The following ZNF579 variants were observed in gnomAD, a reference collection of about 807,000 sequenced individuals.
ZNF579 encodes the protein zinc finger protein 579.
ZNF579 carries 3 observed loss-of-function variants against 5.7 expected under a neutral mutation model. The ratio of observed to expected loss-of-function variants is 0.53; its 90% confidence interval spans 0.24 to 1.36. The LOEUF is 1.36. ZNF579 is among the 40% of genes most tolerant of loss of function. ZNF579 has a pLI of 0.16. For missense variants in ZNF579, 679 were observed against 877.6 expected, an observed-to-expected ratio of 0.77 and a Z score of 2.86; for synonymous variants, 454 against 409.0, an observed-to-expected ratio of 1.11 and a Z score of -1.33.
In ZNF579 at chr19:55,579,640, G is replaced by A. The variant is rs1271432150; in HGVS notation, c.-1C>T. The A allele has an allele frequency of 3.3e-5, 48 of 1,456,324 alleles. No individual in the cohort carries two copies. The highest frequency in any genetic ancestry group is 4.1e-5 in the Non-Finnish European group (46 of 1,114,166). 90.2% of individuals were successfully genotyped at this position (1,456,324 alleles called of 1,614,324 possible). On this transcript the variant is annotated splice_region_variant and 5_prime_UTR_variant, in exon 2 of 2. Transcript: ENST00000325421. ...CGGGTGGAGGAGGCTGCGGATCCAT[G>A]CCTGTGGGGAGAGAGGGGAGAGATG...
Position 55,577,085 on chromosome 19 carries a change from C to T in ZNF579, c.*866G>A, listed in dbSNP as rs1472135205. 6.6e-6 allele frequency: 1 copy of T among 152,052 alleles called. No homozygotes were observed. Among genetic ancestry groups the T allele is most frequent in the Non-Finnish European group, 1.5e-5 (1 of 68,074 alleles). The allele number at this position is 152,052 out of a possible 1,614,324, so 9.4% of individuals were successfully genotyped here. A position where few individuals can be genotyped will look rare whatever the true frequency, so the allele number is the denominator to read the frequency against. ...CTATGACTGCACCACGGCACTGCAG[C>T]TTGGGCAACAGAGTGAGGGAAGAAA... On this transcript the variant is annotated 3_prime_UTR_variant, in exon 2 of 2. Coordinates refer to ENST00000325421, the MANE Select transcript of ZNF579 (RefSeq NM_152600.3).
chr19:55,579,704 G>A (rs1468317348), intron 1 of ZNF579, 63 bp from the exon 2 acceptor site: 44 of 1,343,706 alleles, frequency 3.3e-5, no homozygotes, highest in Non-Finnish European at 4.1e-5. Context: ...CGTGGGGTGT[G>A]GCAGAAAGAG....
Position 55,579,017 on chromosome 19 carries a change from G to A in ZNF579, c.623C>T (p.Ala208Val), listed in dbSNP as rs986832801. 1.3e-6 allele frequency: 2 copies of A among 1,532,436 alleles called. No individual in the cohort carries two copies. The highest frequency in any genetic ancestry group is 1.7e-6 in the Non-Finnish European group (2 of 1,145,344). The allele number at this position is 1,532,436 out of a possible 1,614,324, so 94.9% of individuals were successfully genotyped here. Residue 208 changes from alanine to valine, a missense_variant, in exon 2 of 2, where the codon GCC (alanine) becomes GTC (valine). Coordinates refer to ENST00000325421, the MANE Select transcript of ZNF579 (RefSeq NM_152600.3). ...CCGCCCGGCCGCCAGCGCCAGCTCG[G>A]CCCTCAGCTCTGCTGCCCCGGCCTC... is the stretch of plus-strand genomic sequence containing the variant. Reference protein sequence around the residue: ...EAEAGAAELRAELALAAGRQE... With the variant: ...EAEAGAAELRVELALAAGRQE...
At position 55,578,618 on chromosome 19, in the gene ZNF579, C is replaced by T. The variant is rs1480950302; in HGVS notation, c.1022G>A (p.Gly341Asp). The T allele has an allele frequency of 1.3e-6, 2 of 1,526,354 alleles. No individual in the cohort carries two copies. Among genetic ancestry groups the T allele is most frequent in the East Asian group, 2.4e-5 (1 of 41,758 alleles). 94.6% of individuals were successfully genotyped at this position (1,526,354 alleles called of 1,614,324 possible). A position where few individuals can be genotyped will look rare whatever the true frequency, so the allele number is the denominator to read the frequency against. ...AAGKKDDKAS[G>D]ARNSAKGPEG... ...CGGCCCCTTGGCTGAGTTCCGTGCA[C>T]CCGAGGCCTTGTCGTCCTTCTTGCC... Residue 341 changes from glycine (G) to aspartate (D), a missense_variant, in exon 2 of 2, where the codon GGT becomes GAT. Transcript: ENST00000325421.
chr19:55,578,974 G>T lies in ZNF579; in HGVS notation c.666C>A (p.Val222=), dbSNP rs1406701302. 3 of 1,542,624 alleles carry T rather than the reference G, an allele frequency of 1.9e-6. No individual in the cohort carries two copies. The highest frequency in any genetic ancestry group is 2.6e-6 in the Non-Finnish European group (3 of 1,149,194). The part of the protein sequence containing the change: ...LAAGRQEEKQ[V]LLQADWTLLC... ...GCAGCGTCCAGTCTGCCTGGAGCAG[G>T]ACCTGTTTCTCCTCCTGCCGCCCGG... The change falls in exon 2 of 2, where the codon GTC becomes GTA. Residue 222 remains valine (V), a synonymous_variant. Coordinates refer to ENST00000325421, the MANE Select transcript of ZNF579 (RefSeq NM_152600.3).
chr19:55,578,470 G>A lies in ZNF579; in HGVS notation c.1170C>T (p.Gly390=). ...GGTGCGCCCGGCGCCTGAAACCTTT[G>A]CCGCACTCTGGGCACCAGAAGCGGG... ...GEPRFWCPEC[G]KGFRRRAHLR... is the part of the protein sequence containing the mutation. Residue 390 remains glycine (G), a synonymous_variant, in exon 2 of 2, where the codon GGC becomes GGT. Transcript: ENST00000325421. 6.9e-7 allele frequency: 1 copy of A among 1,450,042 alleles called. No individual in the cohort carries two copies. Among genetic ancestry groups the A allele is most frequent in the Non-Finnish European group, 9.0e-7 (1 of 1,112,054 alleles). The allele number at this position is 1,450,042 out of a possible 1,614,324, so 89.8% of individuals were successfully genotyped here.
At position 55,578,027 on chromosome 19, in the gene ZNF579, T is replaced by C; in HGVS notation, c.1613A>G (p.His538Arg). ...LSASCFDSQDHSAFEMEEEEV... is the reference protein window; with the variant it reads ...LSASCFDSQDRSAFEMEEEEV... ...TTCCTCCTCCATCTCGAAGGCTGAG[T>C]GGTCTTGGCTGTCGAAACAGGAGGC... Residue 538 changes from histidine to arginine, a missense_variant, in exon 2 of 2, where the codon CAC becomes CGC. By Grantham distance (29) the His-to-Arg change is conservative (BLOSUM62 0). Transcript: ENST00000325421. 6.3e-7 allele frequency: 1 copy of C among 1,596,632 alleles called. No homozygotes were observed. The highest frequency in any genetic ancestry group is 8.5e-7 in the Non-Finnish European group (1 of 1,172,034).
In ZNF579 at chr19:55,579,255, C is replaced by A; in HGVS notation, c.385G>T (p.Glu129Ter). 6.6e-7 allele frequency: 1 copy of A among 1,518,864 alleles called. No homozygotes were observed. The highest frequency in any genetic ancestry group is 2.6e-5 in the East Asian group (1 of 39,114). 94.1% of individuals were successfully genotyped at this position (1,518,864 alleles called of 1,614,324 possible). Residue 129 changes from glutamate to a stop codon, truncating the protein, a stop_gained, in exon 2 of 2, where the codon GAG becomes TAG. Coordinates refer to ENST00000325421, the MANE Select transcript of ZNF579 (RefSeq NM_152600.3). LOFTEE classifies it low-confidence loss of function (END_TRUNC). ...LAQEHAGGEVELAIERVAKET... is the reference protein window; with the variant it reads ...LAQEHAGGEV ...TTGGCCACCCTCTCGATGGCCAGCT[C>A]GACCTCGCCGCCCGCGTGCTCCTGA...
Position 55,579,256 on chromosome 19 carries a change from G to A in ZNF579, c.384C>T (p.Val128=), listed in dbSNP as rs1283194246. Residue 128 remains valine, a synonymous_variant, in exon 2 of 2, where the codon GTC becomes GTT. Coordinates refer to ENST00000325421, the MANE Select transcript of ZNF579 (RefSeq NM_152600.3). ...TGGCCACCCTCTCGATGGCCAGCTC[G>A]ACCTCGCCGCCCGCGTGCTCCTGAG... The part of the protein sequence containing the change: ...HLAQEHAGGE[V]ELAIERVAKE... 11 of 1,518,928 alleles carry A rather than the reference G, an allele frequency of 7.2e-6. No individual in the cohort carries two copies. Among genetic ancestry groups the A allele is most frequent in the South Asian group, 1.2e-5 (1 of 82,996 alleles). 94.1% of individuals were successfully genotyped at this position (1,518,928 alleles called of 1,614,324 possible).
rs1486007601 is a variant in ZNF579 at position 55,577,646 on chromosome 19, C to G, written c.*305G>C. The stretch of plus-strand genomic sequence containing the variant: ...AGGTGATGGTGTCCAGTGTGTGAAA[C>G]GGGGGACAGGGAGGCGGGGGCGTCC... On this transcript the variant is annotated 3_prime_UTR_variant, in exon 2 of 2. Transcript: ENST00000325421. 2.2e-6 allele frequency: 1 copy of G among 452,972 alleles called. No homozygotes were observed. The highest frequency in any genetic ancestry group is 2.0e-5 in the African/African-American group (1 of 49,420). 28.1% of individuals were successfully genotyped at this position (452,972 alleles called of 1,614,324 possible). A position where few individuals can be genotyped will look rare whatever the true frequency, so the allele number is the denominator to read the frequency against.
Position 55,577,359 on chromosome 19 carries a change from C to T in ZNF579, c.*592G>A, listed in dbSNP as rs542561918. On this transcript the variant is annotated 3_prime_UTR_variant, in exon 2 of 2. Transcript: ENST00000325421. ...GATCTATCTTCTCACATTCCTGTTT[C>T]TTCTCAACCCAGCCTTCACCGGCTT... 33 of 158,796 alleles carry T rather than the reference C, an allele frequency of 2.1e-4. 1 individual carries two copies. In the South Asian group the frequency reaches 5.9e-3, roughly 28 times the overall value. 9.8% of individuals were successfully genotyped at this position (158,796 alleles called of 1,614,324 possible). A position where few individuals can be genotyped will look rare whatever the true frequency, so the allele number is the denominator to read the frequency against.
chr19:55,579,600 G>T lies in ZNF579; in HGVS notation c.40C>A (p.Pro14Thr). 1 of 1,494,256 alleles carries T rather than the reference G, an allele frequency of 6.7e-7. No homozygotes were observed. Among genetic ancestry groups the T allele is most frequent in the Non-Finnish European group, 8.9e-7 (1 of 1,128,954 alleles). The allele number at this position is 1,494,256 out of a possible 1,614,324, so 92.6% of individuals were successfully genotyped here. A position where few individuals can be genotyped will look rare whatever the true frequency, so the allele number is the denominator to read the frequency against. Residue 14 changes from proline (P) to threonine (T), a missense_variant, in exon 2 of 2, where the codon CCT (proline) becomes ACT (threonine). Pro to Thr is a conservative substitution (Grantham distance 38). Transcript: ENST00000325421. ...QPPPPAQGSP[P>T]HRGRGRGRGR... ...CGGCCCCGGCCTCGGCCACGGTGAG[G>T]TGGGCTGCCCTGGGCGGGTGGAGGA...
rs1438081045 is a variant in ZNF579, at chr19:55,578,519, G to A, written c.1121C>T (p.Pro374Leu). Residue 374 changes from proline (P) to leucine (L), a missense_variant, in exon 2 of 2, where the codon CCG becomes CTG. Coordinates refer to ENST00000325421, the MANE Select transcript of ZNF579 (RefSeq NM_152600.3). ...GGGCTCCCCGGCGGGGGGCCGAGCCGGGGCGGCGTCGCCTCCGTTCTGCCC... is the reference window on the plus strand; with the variant it reads ...GGGCTCCCCGGCGGGGGGCCGAGCCAGGGCGGCGTCGCCTCCGTTCTGCCC... ...GEGQNGGDAA[P>L]ARPPAGEPRF... 4.3e-6 allele frequency: 6 copies of A among 1,398,810 alleles called. No individual in the cohort carries two copies. The highest frequency in any genetic ancestry group is 5.5e-6 in the Non-Finnish European group (6 of 1,091,296). 86.6% of individuals were successfully genotyped at this position (1,398,810 alleles called of 1,614,324 possible).
In ZNF579 at chr19:55,578,546, T is replaced by C. The variant is rs1326919915; in HGVS notation, c.1094A>G (p.Glu365Gly). 7.3e-7 allele frequency: 1 copy of C among 1,360,860 alleles called. No individual in the cohort carries two copies. Among genetic ancestry groups the C allele is most frequent in the Middle Eastern group, 2.3e-4 (1 of 4,304 alleles). 84.3% of individuals were successfully genotyped at this position (1,360,860 alleles called of 1,614,324 possible). Reference protein sequence around the residue: ...AECGGASEGGEGQNGGDAAPA... With the variant: ...AECGGASEGGGGQNGGDAAPA... ...GGCGGCGTCGCCTCCGTTCTGCCCT[T>C]CTCCCCCTTCCGAGGCACCCCCGCA... Residue 365 changes from glutamate (E) to glycine (G), a missense_variant, in exon 2 of 2, where the codon GAA (glutamate) becomes GGA (glycine). Coordinates refer to ENST00000325421, the MANE Select transcript of ZNF579 (RefSeq NM_152600.3).
At position 55,579,122 on chromosome 19, in the gene ZNF579, G is replaced by A. The variant is rs1274385611; in HGVS notation, c.518C>T (p.Thr173Met). The A allele has an allele frequency of 7.5e-5, 115 of 1,526,226 alleles. No homozygotes were observed. The highest frequency in any genetic ancestry group is 9.6e-5 in the Non-Finnish European group (110 of 1,142,676). 94.5% of individuals were successfully genotyped at this position (1,526,226 alleles called of 1,614,324 possible). Residue 173 changes from threonine (T) to methionine (M), a missense_variant, in exon 2 of 2, where the codon ACG becomes ATG. Thr to Met is a moderately conservative substitution (Grantham distance 81). This residue lies in a region of ZNF579 where 209 missense variants were observed against 223.4 expected (regional missense o/e 0.94). Transcript: ENST00000325421. Reference protein sequence around the residue: ...EEEAVAAWPETWPAGEPSTLA... With the variant: ...EEEAVAAWPEMWPAGEPSTLA... ...CGTGGAAGGCTCCCCCGCAGGCCAC[G>A]TCTCAGGCCACGCTGCGACCGCCTC...
Position 55,578,007 on chromosome 19 carries a change from C to T in ZNF579, c.1633G>A (p.Glu545Lys). The T allele has an allele frequency of 1.2e-6, 2 of 1,600,682 alleles. No individual in the cohort carries two copies. Among genetic ancestry groups the T allele is most frequent in the Admixed American group, 1.7e-5 (1 of 58,192 alleles). The change falls in exon 2 of 2, where the codon GAG becomes AAG. Residue 545 changes from glutamate (E) to lysine (K), a missense_variant. Glu to Lys is a moderately conservative substitution (Grantham distance 56). Coordinates refer to ENST00000325421, the MANE Select transcript of ZNF579 (RefSeq NM_152600.3). ...SQDHSAFEME[E>K]EEVDSKAHLR... ...TGAGCCTTGCTGTCTACCTCTTCCT[C>T]CTCCATCTCGAAGGCTGAGTGGTCT...
chr19:55,579,243 C>A lies in ZNF579; in HGVS notation c.397G>T (p.Glu133Ter). ...HAGGEVELAI[E>*]RVAKETAEPS... ...TCGGCCGTCTCCTTGGCCACCCTCT[C>A]GATGGCCAGCTCGACCTCGCCGCCC... The change falls in exon 2 of 2, where the codon GAG becomes TAG. Residue 133 changes from glutamate (E) to a stop codon, truncating the protein, a stop_gained. Coordinates refer to ENST00000325421, the MANE Select transcript of ZNF579 (RefSeq NM_152600.3). LOFTEE classifies it low-confidence loss of function (END_TRUNC). 1 of 1,520,774 alleles carries A rather than the reference C, an allele frequency of 6.6e-7. No individual in the cohort carries two copies. Among genetic ancestry groups the A allele is most frequent in the Non-Finnish European group, 8.8e-7 (1 of 1,139,666 alleles). The allele number at this position is 1,520,774 out of a possible 1,614,324, so 94.2% of individuals were successfully genotyped here.
Position 55,578,473 on chromosome 19 carries a change from G to A in ZNF579, c.1167C>T (p.Cys389=), listed in dbSNP as rs1170784526. 5 of 1,440,870 alleles carry A rather than the reference G, an allele frequency of 3.5e-6. No individual in the cohort carries two copies. The highest frequency in any genetic ancestry group is 1.5e-5 in the African/African-American group (1 of 66,414). 89.3% of individuals were successfully genotyped at this position (1,440,870 alleles called of 1,614,324 possible). Residue 389 remains cysteine (C), a synonymous_variant, in exon 2 of 2, where the codon TGC becomes TGT. Transcript: ENST00000325421. ...GCGCCCGGCGCCTGAAACCTTTGCC[G>A]CACTCTGGGCACCAGAAGCGGGGCT... ...AGEPRFWCPE[C]GKGFRRRAHL... is the part of the protein sequence containing the mutation.
chr19:55,578,609 T>A lies in ZNF579; in HGVS notation c.1031A>T (p.Asn344Ile), dbSNP rs1411188184. The A allele has an allele frequency of 6.6e-7, 1 of 1,519,934 alleles. No homozygotes were observed. The allele number at this position is 1,519,934 out of a possible 1,614,324, so 94.2% of individuals were successfully genotyped here. The change falls in exon 2 of 2, where the codon AAC (asparagine) becomes ATC (isoleucine). Residue 344 changes from asparagine (N) to isoleucine (I), a missense_variant. Asn to Ile is a moderately radical substitution (Grantham distance 149, BLOSUM62 -3). This residue lies in a region of ZNF579 where 114 missense variants were observed against 98.9 expected (regional missense o/e 1.15). Transcript: ENST00000325421. ...KKDDKASGAR[N>I]SAKGPEGGEG... ...GCCCCCCTCCGGCCCCTTGGCTGAG[T>A]TCCGTGCACCCGAGGCCTTGTCGTC...
Sources: gnomAD v4.1 joint callset for allele counts on GRCh38, gnomAD v4.1.1 for gene constraint, gnomAD v4.1.1 regional missense constraint, MANE v1.5 for transcripts, NCBI Gene and HGNC (gene_info 2026-07-23, HGNC 2026-07-21) for gene names.